The following IPCEF1 variants were observed in gnomAD, a reference collection of about 807,000 sequenced individuals.
IPCEF1 encodes interactor protein for cytohesin exchange factors 1.
In IPCEF1, 31 loss-of-function variants were observed where a neutral mutation model predicts 50.9. The ratio of observed to expected loss-of-function variants is 0.61; its 90% CI spans 0.46 to 0.82. The LOEUF (loss-of-function observed/expected upper bound fraction) is 0.82, where lower values mean the gene tolerates loss of function less well. Among genes scored for constraint, IPCEF1 ranks in the 40% least tolerant of loss-of-function variants. The pLI is 0.00. For missense variants in IPCEF1, 458 were observed against 514.0 expected (o/e 0.89, Z 1.05); for synonymous variants, 181 against 192.0 (o/e 0.94, Z 0.47).
chr6:154,245,731 A>G (rs1780980154), intron 5 of IPCEF1, among the ~76,000 whole-genome samples: 1 of 152,134 alleles, frequency 6.6e-6, no homozygotes, highest in Non-Finnish European at 1.5e-5. Context: ...CAGTACTACA[A>G]AGGGACTCAC....
At chr6:154,242,300 C>G (rs117931152) in intron 5 of IPCEF1, among the ~76,000 whole-genome samples, 2 of 152,166 alleles carry the variant, frequency 1.3e-5, no homozygotes, top group African/African-American at 4.8e-5. Flanking sequence ...TTTCCCATAT[C>G]TGTTTTTAAG....
chr6:154,321,268 A>C (rs1783367862), intron 1 of IPCEF1, among the ~76,000 whole-genome samples: 1 of 152,132 alleles, frequency 6.6e-6, no homozygotes, highest in Non-Finnish European at 1.5e-5. Context: ...CCTTTGAACA[A>C]TATTACCTTT....
At chr6:154,250,002 T>C (rs569056640) in intron 3 of IPCEF1, among the ~76,000 whole-genome samples, 1 of 152,114 alleles carries the variant, frequency 6.6e-6, no homozygotes, top group Non-Finnish European at 1.5e-5. Context: ...TAAAGCAAAT[T>C]ATTAACTGTT....
At chr6:154,190,330 A>G (rs1288111682) in intron 10 of IPCEF1, among the ~76,000 whole-genome samples, 1 of 152,252 alleles carries the variant, frequency 6.6e-6, no homozygotes, top group Non-Finnish European at 1.5e-5. Context: ...GAAAGTATAT[A>G]CAAAAATTAA....
chr6:154,335,839 C>A (rs1783776922), intron 1 of IPCEF1, among the ~76,000 whole-genome samples: 1 of 152,052 alleles, frequency 6.6e-6, no homozygotes, highest in African/African-American at 2.4e-5. Context: ...GAGCAAAGGA[C>A]ATGAATAGAC....
At chr6:154,191,589 G>A (rs1276756881) in intron 10 of IPCEF1, among the ~76,000 whole-genome samples, 2 of 151,900 alleles carry the variant, frequency 1.3e-5, no homozygotes, top group Middle Eastern at 3.2e-3. Context: ...CAGGAGAATC[G>A]CTTGAACCCA....
chr6:154,206,115 A>G (rs1294001478), intron 9 of IPCEF1, among the ~76,000 whole-genome samples: 6 of 152,176 alleles, frequency 3.9e-5, no homozygotes, highest in African/African-American at 1.4e-4. Flanking sequence ...ACACAAAAAT[A>G]TTTATCAGCT....
chr6:154,166,891 A>C (rs912548378), intron 11 of IPCEF1, among the ~76,000 whole-genome samples: 1 of 152,222 alleles, frequency 6.6e-6, no homozygotes, highest in Non-Finnish European at 1.5e-5. Context: ...TATCGATAAA[A>C]ATTTTAATAT....
chr6:154,325,235 C>A (rs978222820), intron 1 of IPCEF1, among the ~76,000 whole-genome samples: 4 of 152,034 alleles, frequency 2.6e-5, no homozygotes, highest in Non-Finnish European at 4.4e-5. Context: ...AAACATAGAA[C>A]AGTCTGTAAA....
chr6:154,300,322 A>G (rs1490785174), intron 1 of IPCEF1, among the ~76,000 whole-genome samples: 2 of 150,868 alleles, frequency 1.3e-5, no homozygotes, highest in African/African-American at 4.9e-5. Flanking sequence ...TTTCTTTGTT[A>G]AACAAATGCT....
At chr6:154,271,134 G>A (rs1470279872) in intron 2 of IPCEF1, among the ~76,000 whole-genome samples, 2 of 152,026 alleles carry the variant, frequency 1.3e-5, no homozygotes, top group African/African-American at 4.8e-5. Flanking sequence ...TGAGGTAGGA[G>A]GATCACTTGA....
At chr6:154,258,392 A>G (rs1383115662) in intron 3 of IPCEF1, among the ~76,000 whole-genome samples, 2 of 152,114 alleles carry the variant, frequency 1.3e-5, no homozygotes, top group Non-Finnish European at 2.9e-5. Flanking sequence ...TCCTAAGCCT[A>G]TTGTTTAATT....
chr6:154,356,782 G>T lies in IPCEF1; in HGVS notation c.-172C>A, dbSNP rs1401196092. ...TCTACTTAAAGCAGCCTCAGCTCTG[G>T]AAACTCAGTCAACCCAGAACTAACA... is the stretch of plus-strand genomic sequence containing the variant. On this transcript the variant is annotated 5_prime_UTR_variant, in exon 1 of 12. Transcript: ENST00000367220. The T allele has an allele frequency of 2.0e-5, 3 of 152,196 alleles. No individual in the cohort carries two copies. The highest frequency in any genetic ancestry group is 7.2e-5 in the African/African-American group (3 of 41,436). 9.4% of individuals were successfully genotyped at this position (152,196 alleles called of 1,614,324 possible).
intron 1 of IPCEF1, among the ~76,000 whole-genome samples, chr6:154,354,384 ACCGTCACCTC>A: frequency 5.2e-5 from 4 of 77,566 alleles, no homozygotes; most frequent in Non-Finnish European, 7.7e-5. Context: ...TGTCACCTCC[ACCGTCACCTC>A]CAACCACCAT....
intron 3 of IPCEF1, among the ~76,000 whole-genome samples, chr6:154,265,306 A>T (rs1270269696): frequency 1.3e-5 from 2 of 151,226 alleles, no homozygotes; most frequent in African/African-American, 2.4e-5. Flanking sequence ...TTTGAGGCGG[A>T]GTCTCGCTCT....
chr6:154,191,024 G>A (rs1248359110), intron 10 of IPCEF1, among the ~76,000 whole-genome samples: 11 of 151,822 alleles, frequency 7.2e-5, no homozygotes, highest in Admixed American at 7.2e-4. Flanking sequence ...CCACTGCACT[G>A]CAGCCTGGAC....
intron 3 of IPCEF1, among the ~76,000 whole-genome samples, chr6:154,258,512 G>A (rs1218661059): frequency 6.6e-6 from 1 of 152,212 alleles, no homozygotes; most frequent in Non-Finnish European, 1.5e-5. Flanking sequence ...TACACACACT[G>A]TGGTAACACT....
At chr6:154,343,117 G>C (rs923058108) in intron 1 of IPCEF1, among the ~76,000 whole-genome samples, 1 of 151,960 alleles carries the variant, frequency 6.6e-6, no homozygotes, top group African/African-American at 2.4e-5. Flanking sequence ...CGCTATAAAA[G>C]AGAGAGAGAG....
intron 9 of IPCEF1, among the ~76,000 whole-genome samples, chr6:154,212,358 C>CT (rs1778029816): frequency 6.6e-6 from 1 of 152,194 alleles, no homozygotes; most frequent in South Asian, 2.1e-4. Flanking sequence ...TCTGGCTCTC[C>CT]TTTTTTCTTT....
Sources: allele counts gnomAD v4.1 joint callset (sites outside exome capture counted in the v4.1 genomes callset), GRCh38; gene constraint gnomAD v4.1.1; transcripts MANE v1.5; gene names NCBI Gene and HGNC (gene_info 2026-07-23, HGNC 2026-07-21).